The following TARS3 variants were observed in gnomAD, a reference collection of about 807,000 sequenced individuals.
The protein encoded by TARS3 is threonine--tRNA ligase 2, cytoplasmic.
TARS3 carries 94 observed loss-of-function variants against 103.5 expected under a neutral mutation model. The observed-to-expected ratio is 0.91, with a 90% CI of 0.77 to 1.08. The LOEUF is 1.08. Among genes scored for constraint, TARS3 ranks in the 50% least tolerant of loss-of-function variants. The pLI, the probability that TARS3 is intolerant of heterozygous loss-of-function variation, is 0.00. For missense variants in TARS3, 952 were observed against 995.2 expected, an observed-to-expected ratio of 0.96 and a Z score of 0.58; for synonymous variants, 416 against 355.4, an observed-to-expected ratio of 1.17 and a Z score of -1.92.
At chr15:101,679,504 TTG>T (rs1457245633) in intron 12 of TARS3, among the ~76,000 whole-genome samples, 1 of 150,850 alleles carries the variant, frequency 6.6e-6, no homozygotes, top group Non-Finnish European at 1.5e-5. Flanking sequence ...TTCGCTGACT[TTG>T]TAATTTTTGT....
At chr15:101,673,893 G>C (rs917984007) in intron 13 of TARS3, among the ~76,000 whole-genome samples, 3 of 152,198 alleles carry the variant, frequency 2.0e-5, no homozygotes, top group Admixed American at 1.3e-4. Flanking sequence ...TTAATCCAGG[G>C]CTTCTCTGAT....
intron 2 of TARS3, among the ~76,000 whole-genome samples, chr15:101,721,785 G>A (rs1004686497): frequency 2.0e-5 from 3 of 152,138 alleles, no homozygotes; most frequent in South Asian, 2.1e-4. Flanking sequence ...GTGAGTCACC[G>A]TATCCAGCCG....
intron 18 of TARS3, chr15:101,656,148 G>T: frequency 1.1e-6 from 1 of 950,270 alleles, no homozygotes. Context: ...TAGTGGTTTG[G>T]CTATTTAATT....
intron 1 of TARS3, 59 bp from the exon 2 acceptor site, chr15:101,723,223 G>C: frequency 6.6e-7 from 1 of 1,504,296 alleles, no homozygotes; most frequent in Admixed American, 1.7e-5. Flanking sequence ...CACATTTTAA[G>C]AAGAGAGTCA....
chr15:101,681,754 T>A (rs562002146), intron 12 of TARS3, among the ~76,000 whole-genome samples: 1 of 151,990 alleles, frequency 6.6e-6, no homozygotes, highest in African/African-American at 2.4e-5. Context: ...ATCTTCATAA[T>A]CTCATCTACA....
intron 10 of TARS3, among the ~76,000 whole-genome samples, chr15:101,691,185 C>T (rs973806832): frequency 7.9e-5 from 12 of 151,916 alleles, no homozygotes; most frequent in African/African-American, 2.9e-4. Context: ...ATGATCCACC[C>T]GCCTCAGCCT....
At chr15:101,669,012 A>G (rs941317205) in intron 15 of TARS3, among the ~76,000 whole-genome samples, 4 of 152,200 alleles carry the variant, frequency 2.6e-5, no homozygotes, top group African/African-American at 9.7e-5. Flanking sequence ...TAGCTGTAAA[A>G]CAGCCTGGGG....
In TARS3 at chr15:101,656,928, TAA is replaced by T; in HGVS notation, c.2252_2253del (p.Phe751TyrfsTer12). 1 of 1,598,816 alleles carries T rather than the reference TAA, an allele frequency of 6.3e-7. No homozygotes were observed. Among genetic ancestry groups the T allele is most frequent in the Non-Finnish European group, 8.5e-7 (1 of 1,172,072 alleles). On this transcript the variant is annotated frameshift_variant, in exon 18 of 19. Coordinates refer to ENST00000335968, the MANE Select transcript of TARS3 (RefSeq NM_152334.3). LOFTEE classifies it high-confidence loss of function. Reference sequence around the variant, plus strand: ...ATATACAAACTTAAATTACCCAAAATAAAATTATACTGAGCCAGCTGTGCATT... The same window carrying T: ...ATATACAAACTTAAATTACCCAAAATAATTATACTGAGCCAGCTGTGCATT... Reference protein sequence around the residue: ...IRNAQLAQYNFILVVGEKEKI... With the variant: ...IRNAQLAQYNXILVVGEKEKI...
At chr15:101,661,169 A>AAGGACCACAAGATGCACCACTCAAAT (rs1897362556) in intron 16 of TARS3, among the ~76,000 whole-genome samples, 1 of 152,076 alleles carries the variant, frequency 6.6e-6, no homozygotes, top group Non-Finnish European at 1.5e-5. Context: ...ACCACTCAAA[A>AAGGACCACAAGATGCACCACTCAAAT]TTCTGCACTT....
chr15:101,687,227 A>AC (rs1256022474), intron 10 of TARS3, among the ~76,000 whole-genome samples: 1 of 151,860 alleles, frequency 6.6e-6, no homozygotes, highest in Non-Finnish European at 1.5e-5. Context: ...ACATGATGAA[A>AC]CCCCATCTCC....
chr15:101,677,207 C>A (rs182718438), intron 12 of TARS3, among the ~76,000 whole-genome samples: 1 of 152,310 alleles, frequency 6.6e-6, no homozygotes, highest in Non-Finnish European at 1.5e-5. Context: ...GTGCGTTTCT[C>A]GAAGAGATGA....
chr15:101,679,484 T>A (rs1170482888), intron 12 of TARS3, among the ~76,000 whole-genome samples: 1 of 138,514 alleles, frequency 7.2e-6, no homozygotes, highest in African/African-American at 2.6e-5. Flanking sequence ...TTCCTGAGAT[T>A]TTCTGTTTCT....
intron 10 of TARS3, chr15:101,699,550 G>C (rs1213451309): frequency 4.7e-6 from 2 of 427,648 alleles, no homozygotes; most frequent in Non-Finnish European, 9.3e-6. Flanking sequence ...TGATTTTCCA[G>C]AGAAGACAGC....
At chr15:101,677,222 C>T (rs1898063746) in intron 12 of TARS3, among the ~76,000 whole-genome samples, 1 of 152,212 alleles carries the variant, frequency 6.6e-6, no homozygotes, top group African/African-American at 2.4e-5. Context: ...AGATGAGCAT[C>T]TGAATCAGTG....
At chr15:101,717,658 T>C (rs1366466214) in intron 3 of TARS3, among the ~76,000 whole-genome samples, 1 of 152,244 alleles carries the variant, frequency 6.6e-6, no homozygotes, top group East Asian at 1.9e-4. Flanking sequence ...TGTGCTATTC[T>C]TTCTGGACCA....
At chr15:101,711,430 G>A (rs926148074) in intron 5 of TARS3, among the ~76,000 whole-genome samples, 5 of 152,146 alleles carry the variant, frequency 3.3e-5, no homozygotes, top group Non-Finnish European at 5.9e-5. Flanking sequence ...CCACCTATAT[G>A]TGGATTTTCT....
intron 12 of TARS3, among the ~76,000 whole-genome samples, chr15:101,680,947 G>T (rs1596300840): frequency 1.3e-5 from 2 of 152,046 alleles, no homozygotes; most frequent in Middle Eastern, 6.8e-3. Flanking sequence ...TGACATTTAG[G>T]CCTGTGATTC....
At chr15:101,712,212 G>A (rs1899905147) in intron 4 of TARS3, among the ~76,000 whole-genome samples, 1 of 152,196 alleles carries the variant, frequency 6.6e-6, no homozygotes, top group Non-Finnish European at 1.5e-5. Context: ...CACTTGCTCA[G>A]TGCCAGTGTG....
intron 3 of TARS3, among the ~76,000 whole-genome samples, chr15:101,717,996 G>C (rs376645084): frequency 8.5e-5 from 13 of 152,316 alleles, no homozygotes; most frequent in African/African-American, 2.6e-4. Flanking sequence ...CTTTGTGATA[G>C]TATATCAAAA....
Sources: allele counts gnomAD v4.1 joint callset (sites outside exome capture counted in the v4.1 genomes callset), GRCh38; gene constraint gnomAD v4.1.1; transcripts MANE v1.5; gene names NCBI Gene and HGNC (gene_info 2026-07-23, HGNC 2026-07-21).